STIM2: variants seen among roughly 807,000 people sequenced by gnomAD.
STIM2 encodes stromal interaction molecule 2.
Under a neutral mutation model 85.8 loss-of-function variants are expected in STIM2, and 31 were observed. The ratio of observed to expected loss-of-function variants is 0.36; its 90% CI spans 0.27 to 0.49. STIM2 has a LOEUF of 0.49. Among genes scored for constraint, STIM2 ranks in the 20% least tolerant of loss-of-function variants. STIM2 has a pLI of 0.98. For missense variants in STIM2, 841 were observed against 927.6 expected (o/e 0.91, Z 1.21); for synonymous variants, 356 against 331.1 (o/e 1.08, Z -0.82).
chr4:26,986,082 A>G (rs915930452), intron 3 of STIM2, among the ~76,000 whole-genome samples: 1 of 152,120 alleles, frequency 6.6e-6, no homozygotes, highest in Non-Finnish European at 1.5e-5. Context: ...TGTTTCCACT[A>G]CTTACTTGGT....
chr4:26,922,442 C>T (rs1313534128), intron 2 of STIM2, among the ~76,000 whole-genome samples: 1 of 152,114 alleles, frequency 6.6e-6, no homozygotes, highest in African/African-American at 2.4e-5. Context: ...AAAAACTGAG[C>T]TTCTGCAGTT....
chr4:26,861,356 G>A lies in STIM2; in HGVS notation c.138G>A (p.Pro46=). The change falls in exon 1 of 12, where the codon CCG becomes CCA. Residue 46 remains proline (P), a synonymous_variant. Transcript: ENST00000467087. ...CCGCCGCGGCGGCCGGCGATAGCCC[G>A]GCGCTCATGACAGGTGAGGGGCCGG... The A allele has an allele frequency of 7.4e-7, 1 of 1,357,662 alleles. No individual in the cohort carries two copies. The highest frequency in any genetic ancestry group is 9.4e-7 in the Non-Finnish European group (1 of 1,060,166). 84.1% of individuals were successfully genotyped at this position (1,357,662 alleles called of 1,614,324 possible). A position where few individuals can be genotyped will look rare whatever the true frequency, so the allele number is the denominator to read the frequency against.
chr4:26,991,400 A>G (rs761146191), intron 3 of STIM2, among the ~76,000 whole-genome samples: 2 of 152,156 alleles, frequency 1.3e-5, no homozygotes, highest in African/African-American at 2.4e-5. Flanking sequence ...AGTAGAGAGT[A>G]GAATGGTGGT....
At chr4:27,013,509 ATTCT>A (rs1728632543) in intron 10 of STIM2, among the ~76,000 whole-genome samples, 1 of 151,936 alleles carries the variant, frequency 6.6e-6, no homozygotes, top group Non-Finnish European at 1.5e-5. Context: ...CTTTCATTCC[ATTCT>A]TTTCTACTTT....
At chr4:26,939,214 G>A (rs529216167) in intron 2 of STIM2, among the ~76,000 whole-genome samples, 5 of 151,960 alleles carry the variant, frequency 3.3e-5, no homozygotes, top group East Asian at 3.9e-4. Context: ...ATCTAAACTC[G>A]TGAGAACTAT....
At chr4:26,974,944 T>C (rs1727124329) in intron 3 of STIM2, among the ~76,000 whole-genome samples, 1 of 152,196 alleles carries the variant, frequency 6.6e-6, no homozygotes, top group Middle Eastern at 3.2e-3. Flanking sequence ...TTCTTTTTAC[T>C]CTTTTTTCTC....
At chr4:26,952,531 T>A (rs762770134) in intron 2 of STIM2, among the ~76,000 whole-genome samples, 12 of 152,080 alleles carry the variant, frequency 7.9e-5, no homozygotes, top group Non-Finnish European at 1.6e-4. Context: ...AAGAACTTAA[T>A]CCTCATAACC....
chr4:26,968,444 A>G (rs1453402967), intron 3 of STIM2, among the ~76,000 whole-genome samples: 1 of 152,216 alleles, frequency 6.6e-6, no homozygotes, highest in Non-Finnish European at 1.5e-5. Flanking sequence ...GCGGGATTCT[A>G]CTTCCGTGAG....
rs189394588 is a variant in STIM2 at position 26,873,253 on chromosome 4, G to A, written c.151+11884G>A. On this transcript the variant is annotated intron_variant, in intron 1 of 11. Coordinates refer to ENST00000467087, the MANE Select transcript of STIM2 (RefSeq NM_020860.4). ...CATCTCTACAAAAATACAACGATTA[G>A]CCAGGCATGATGGTGAGTGCCTGTA... Among the ~76,000 whole-genome samples, 1,098 of 152,260 alleles carry A rather than the reference G, an allele frequency of 7.2e-3. 7 individuals are homozygous for A. Among genetic ancestry groups the A allele is most frequent in the Non-Finnish European group, 9.8e-3 (669 of 68,012 alleles).
intron 1 of STIM2, among the ~76,000 whole-genome samples, chr4:26,904,275 TA>T (rs1724041246): frequency 1.3e-5 from 2 of 152,118 alleles, no homozygotes; most frequent in Non-Finnish European, 2.9e-5. Flanking sequence ...TTTTCAGGTA[TA>T]ATTGACAGAC....
intron 1 of STIM2, among the ~76,000 whole-genome samples, chr4:26,912,365 A>G (rs1724377010): frequency 6.6e-6 from 1 of 152,162 alleles, no homozygotes; most frequent in Non-Finnish European, 1.5e-5. Flanking sequence ...CTTAAATAAT[A>G]TTATAGGAGG....
intron 3 of STIM2, among the ~76,000 whole-genome samples, chr4:26,993,072 T>G (rs368182087): frequency 3.3e-5 from 5 of 152,170 alleles, no homozygotes; most frequent in Non-Finnish European, 7.4e-5. Flanking sequence ...TGAACAGTCA[T>G]AGAGAGAATC....
At chr4:26,865,298 A>G (rs1218259465) in intron 1 of STIM2, among the ~76,000 whole-genome samples, 2 of 152,300 alleles carry the variant, frequency 1.3e-5, no homozygotes, top group African/African-American at 2.4e-5. Context: ...ATTGGTCTGG[A>G]AACATTGCAT....
intron 7 of STIM2, 60 bp downstream of exon 7, chr4:27,003,164 CAG>C: frequency 6.8e-7 from 1 of 1,480,406 alleles, no homozygotes; most frequent in Non-Finnish European, 8.9e-7. Flanking sequence ...TCTGAGGAGC[CAG>C]GTCCTGTTTT....
Position 27,007,669 on chromosome 4 carries a change from C to G in STIM2, c.1118C>G (p.Ala373Gly). The change falls in exon 8 of 12, where the codon GCT (alanine) becomes GGT (glycine). Residue 373 changes from alanine to glycine, a missense_variant. Coordinates refer to ENST00000467087, the MANE Select transcript of STIM2 (RefSeq NM_020860.4). ...TACTACAATATTAAAAGACAAAACG[C>G]TGAAATGCAGCTAGCTATTGCTAAA... 6.3e-7 allele frequency: 1 copy of G among 1,583,048 alleles called. No homozygotes were observed. The highest frequency in any genetic ancestry group is 8.6e-7 in the Non-Finnish European group (1 of 1,168,272).
chr4:26,950,113 A>G (rs527360463), intron 2 of STIM2, among the ~76,000 whole-genome samples: 69 of 152,290 alleles, frequency 4.5e-4, no homozygotes, highest in African/African-American at 1.6e-3. Context: ...CTTATCTGCA[A>G]TATATTTCCA....
At chr4:26,963,734 G>A (rs759896349) in intron 3 of STIM2, among the ~76,000 whole-genome samples, 2 of 152,098 alleles carry the variant, frequency 1.3e-5, no homozygotes, top group Non-Finnish European at 2.9e-5. Flanking sequence ...TTAGGGAGAT[G>A]GCTCTTCAAC....
chr4:26,990,919 GAC>G (rs1254236222), intron 3 of STIM2, among the ~76,000 whole-genome samples: 1 of 152,062 alleles, frequency 6.6e-6, no homozygotes, highest in Non-Finnish European at 1.5e-5. Context: ...TTATCAAAAA[GAC>G]AAAAAATTAC....
chr4:26,951,330 G>A (rs1367884700), intron 2 of STIM2, among the ~76,000 whole-genome samples: 1 of 152,096 alleles, frequency 6.6e-6, no homozygotes, highest in Non-Finnish European at 1.5e-5. Context: ...ACAGATGTAC[G>A]AATGTGCCAT....
Sources: gnomAD v4.1 joint callset for allele counts (sites outside exome capture counted in the v4.1 genomes callset) on GRCh38, gnomAD v4.1.1 for gene constraint, MANE v1.5 for transcripts, NCBI Gene and HGNC (gene_info 2026-07-23, HGNC 2026-07-21) for gene names.